Variants in TRERF1 observed in about 807,000 individuals in gnomAD.
The protein encoded by TRERF1 is transcriptional regulating factor 1, also known as transcriptional-regulating factor 1.
In TRERF1, 27 loss-of-function variants were observed where a neutral mutation model predicts 122.9. The observed-to-expected ratio is 0.22, with a 90% CI of 0.16 to 0.30. TRERF1 has a LOEUF of 0.30. TRERF1 is among the 10% of genes least tolerant of loss of function. The pLI, the probability that TRERF1 is intolerant of heterozygous loss-of-function variation, is 1.00. For synonymous variants in TRERF1, 636 were observed against 641.7 expected (o/e 0.99, Z 0.13); for missense variants, 1,248 against 1,560.3 (o/e 0.80, Z 3.37).
At chr6:42,441,290 C>G (rs1786469670) in intron 2 of TRERF1, among the ~76,000 whole-genome samples, 1 of 152,168 alleles carries the variant, frequency 6.6e-6, no homozygotes, top group African/African-American at 2.4e-5. Flanking sequence ...GGACACATCA[C>G]CCCGCCTCTA....
At chr6:42,327,187 G>A (rs1017004498) in intron 3 of TRERF1, among the ~76,000 whole-genome samples, 1 of 152,198 alleles carries the variant, frequency 6.6e-6, no homozygotes, top group Non-Finnish European at 1.5e-5. Context: ...AGAAGGGGAT[G>A]TGCTTGTTGT....
At chr6:42,305,114 C>T (rs1786950358) in intron 3 of TRERF1, among the ~76,000 whole-genome samples, 1 of 152,226 alleles carries the variant, frequency 6.6e-6, no homozygotes, top group Admixed American at 6.5e-5. Context: ...GTAGGGATCA[C>T]CATTCTACAA....
chr6:42,229,093 T>TC (rs1235487002), intron 17 of TRERF1, among the ~76,000 whole-genome samples: 1 of 152,202 alleles, frequency 6.6e-6, no homozygotes, highest in Non-Finnish European at 1.5e-5. Flanking sequence ...CTGGCCTCTG[T>TC]CCCTGTTCCT....
Position 42,269,859 on chromosome 6 carries a change from A to T in TRERF1, c.-258-11T>A. The stretch of plus-strand genomic sequence containing the variant: ...AGACGTCGCTCACACCTGCAAGGCA[A>T]GATGCAAAAGACAGGAAAGGATTTA... On this transcript the variant is annotated splice_polypyrimidine_tract_variant and intron_variant, in intron 4 of 17. Coordinates refer to ENST00000372922, the Ensembl canonical transcript of TRERF1. The surrounding 1 kb of genome is among the most constrained non-coding windows in gnomAD (Gnocchi z 4.9). 1.5e-6 allele frequency: 1 copy of T among 653,266 alleles called. No individual in the cohort carries two copies. The highest frequency in any genetic ancestry group is 2.3e-6 in the Non-Finnish European group (1 of 438,630). 40.5% of individuals were successfully genotyped at this position (653,266 alleles called of 1,614,324 possible). A position where few individuals can be genotyped will look rare whatever the true frequency, so the allele number is the denominator to read the frequency against.
intron 2 of TRERF1, among the ~76,000 whole-genome samples, chr6:42,445,192 A>G (rs1277913477): frequency 3.3e-5 from 5 of 151,338 alleles, no homozygotes; most frequent in African/African-American, 9.7e-5. Context: ...TCACTTGAAC[A>G]TGGGAGGCAG....
chr6:42,431,821 A>G (rs1784546514), intron 2 of TRERF1, among the ~76,000 whole-genome samples: 1 of 152,008 alleles, frequency 6.6e-6, no homozygotes, highest in African/African-American at 2.4e-5. Flanking sequence ...CAGGTCCCAA[A>G]TGCACCTTCT....
intron 2 of TRERF1, among the ~76,000 whole-genome samples, chr6:42,404,426 T>C (rs1779881447): frequency 6.6e-6 from 1 of 152,148 alleles, no homozygotes; most frequent in African/African-American, 2.4e-5. Context: ...ATTTCCTCTC[T>C]GGATTCTTGC....
chr6:42,322,035 T>C (rs77793769), intron 3 of TRERF1, among the ~76,000 whole-genome samples: 235 of 152,326 alleles, frequency 1.5e-3, no homozygotes, highest in African/African-American at 5.4e-3. Context: ...AAAGCAGAGA[T>C]GACAGAAGTT....
chr6:42,248,989 C>T (rs958744163), intron 13 of TRERF1, among the ~76,000 whole-genome samples: 5 of 152,150 alleles, frequency 3.3e-5, no homozygotes, highest in African/African-American at 7.2e-5. Flanking sequence ...ACCAAACAAC[C>T]GTCATGGTTC....
At chr6:42,436,671 AT>A (rs1456153525) in intron 2 of TRERF1, among the ~76,000 whole-genome samples, 1 of 151,568 alleles carries the variant, frequency 6.6e-6, no homozygotes, top group East Asian at 1.9e-4. Flanking sequence ...CCTAGAAAAA[AT>A]ACTGGAAGGA....
chr6:42,242,099 A>C (rs35119804), intron 15 of TRERF1, among the ~76,000 whole-genome samples: 29,474 of 152,164 alleles, frequency 0.19, 3,125 homozygotes, highest in African/African-American at 0.28. Flanking sequence ...TGTCTCAAAC[A>C]AACAAAAGAA....
chr6:42,359,788 T>C (rs762099622), intron 3 of TRERF1, among the ~76,000 whole-genome samples: 1 of 152,174 alleles, frequency 6.6e-6, no homozygotes, highest in Non-Finnish European at 1.5e-5. Context: ...CATGAGGTCA[T>C]GACAGGCCAT....
chr6:42,345,330 C>T (rs535425019), intron 3 of TRERF1, among the ~76,000 whole-genome samples: 1 of 152,352 alleles, frequency 6.6e-6, no homozygotes, highest in South Asian at 2.1e-4. Context: ...CACACACACA[C>T]ATACACACAC....
At chr6:42,436,814 A>AATATATATATATATATAT (rs56057543) in intron 2 of TRERF1, among the ~76,000 whole-genome samples, 2 of 66,694 alleles carry the variant, frequency 3.0e-5, no homozygotes, top group African/African-American at 5.3e-5. Flanking sequence ...AAAAAAAAAA[A>AATATATATATATATATAT]ATATATATAT....
intron 3 of TRERF1, among the ~76,000 whole-genome samples, chr6:42,344,735 G>C (rs1767944958): frequency 6.6e-6 from 1 of 152,136 alleles, no homozygotes; most frequent in African/African-American, 2.4e-5. Flanking sequence ...CCCCCCACCA[G>C]ATGCTTGCTC....
At chr6:42,315,941 T>G (rs565795220) in intron 3 of TRERF1, among the ~76,000 whole-genome samples, 18 of 152,174 alleles carry the variant, frequency 1.2e-4, no homozygotes, top group Non-Finnish European at 2.4e-4. Context: ...TCACGGTACC[T>G]GGAAGATGCA....
intron 14 of TRERF1, among the ~76,000 whole-genome samples, chr6:42,245,639 A>G (rs1208972592): frequency 6.6e-6 from 1 of 152,232 alleles, no homozygotes; most frequent in Non-Finnish European, 1.5e-5. Context: ...TATTTCATCT[A>G]TGTGAAAGTT....
intron 3 of TRERF1, among the ~76,000 whole-genome samples, chr6:42,301,838 T>C (rs1314431866): frequency 2.0e-5 from 3 of 152,226 alleles, no homozygotes; most frequent in Admixed American, 1.3e-4. Flanking sequence ...CTAAGATGTC[T>C]AGCTGATATG....
intron 2 of TRERF1, among the ~76,000 whole-genome samples, chr6:42,408,210 AATATAT>A (rs34821629): frequency 9.3e-6 from 1 of 107,142 alleles, no homozygotes; most frequent in East Asian, 2.7e-4. Context: ...TATATAAATA[AATATAT>A]ATATATATAT....
Sources: allele counts gnomAD v4.1 joint callset (sites outside exome capture counted in the v4.1 genomes callset), GRCh38; gene constraint gnomAD v4.1.1; non-coding constraint Gnocchi (gnomAD v3.1); transcripts MANE v1.5; gene names NCBI Gene and HGNC (gene_info 2026-07-23, HGNC 2026-07-21).